Variants in PREX1 observed in about 807,000 individuals in gnomAD.
The protein encoded by PREX1 is phosphatidylinositol-3,4,5-trisphosphate dependent Rac exchange factor 1.
In PREX1, 41 loss-of-function variants were observed where a neutral mutation model predicts 198.3. That is an observed-to-expected ratio of 0.21 (90% confidence interval 0.16 to 0.27). The LOEUF is 0.27. Ranked by LOEUF, PREX1 falls within the 10% of genes least tolerant of loss-of-function variation. PREX1 has a pLI of 1.00. For missense variants in PREX1, 1,620 were observed against 2,200.7 expected (o/e 0.74, Z 5.28); for synonymous variants, 843 against 887.2 (o/e 0.95, Z 0.89).
rs1000398354 is a variant in PREX1 at position 48,636,480 on chromosome 20, G to C, written c.4150C>G (p.Leu1384Val). The change falls in exon 32 of 40, where the codon CTC (leucine) becomes GTC (valine). Residue 1384 changes from leucine (L) to valine (V), a missense_variant. Physicochemically the swap from Leu to Val is conservative, Grantham distance 32. Around this residue, in one of 7 missense-constraint regions of PREX1, gnomAD observed 476 missense variants for 603.4 expected, o/e 0.79. Transcript: ENST00000371941. ...TGVLLHCQSL[L>V]SPATVKEERT... ...TCACTCACCACTGTGGCTGGCGAGA[G>C]CAGGGACTGGCAGTGCAGCAGGACG... The C allele has an allele frequency of 3.6e-5, 58 of 1,606,296 alleles. No homozygotes were observed. The highest frequency in any genetic ancestry group is 4.9e-5 in the Non-Finnish European group (58 of 1,178,812).
At chr20:48,726,503 G>C in intron 4 of PREX1, 112 bp from the exon 5 acceptor site, 1 of 756,328 alleles carries the variant, frequency 1.3e-6, no homozygotes, top group Non-Finnish European at 2.3e-6. Context: ...CTTGGCAAGC[G>C]ATTTAGCGAC....
chr20:48,678,175 C>A (rs1016713394), intron 13 of PREX1, among the ~76,000 whole-genome samples: 1 of 151,958 alleles, frequency 6.6e-6, no homozygotes, highest in East Asian at 1.9e-4. Flanking sequence ...TTAGCCGGGC[C>A]TGGTGGTAGG....
At chr20:48,688,977 C>T (rs1434070372) in intron 9 of PREX1, among the ~76,000 whole-genome samples, 173 bp from the exon 10 acceptor site, 1 of 152,180 alleles carries the variant, frequency 6.6e-6, no homozygotes, top group Non-Finnish European at 1.5e-5. Flanking sequence ...CTGTCGCTGC[C>T]CTAGGCACCT....
chr20:48,713,329 G>A (rs956841955), intron 5 of PREX1, among the ~76,000 whole-genome samples: 2 of 151,850 alleles, frequency 1.3e-5, no homozygotes, highest in Non-Finnish European at 2.9e-5. Context: ...GTGCACACCT[G>A]TAATCTCAGC....
In PREX1 at chr20:48,649,467, A is replaced by T. The variant is rs139057530; in HGVS notation, c.3138T>A (p.His1046Gln). Reference sequence around the variant, plus strand: ...CACTGGCTGGCCCGAAGCTGCCATCATGGAGACCCTGGCCTTGGGGATCAC... The same window carrying T: ...CACTGGCTGGCCCGAAGCTGCCATCTTGGAGACCCTGGCCTTGGGGATCAC... ...AEGDPQGQGL[H>Q]DGSFGPASGT... is the part of the protein sequence containing the mutation. Residue 1046 changes from histidine to glutamine, a missense_variant, in exon 25 of 40, where the codon CAT becomes CAA. By Grantham distance (24) the His-to-Gln change is conservative. Around this residue, in one of 7 missense-constraint regions of PREX1, gnomAD observed 514 missense variants for 611.6 expected, o/e 0.84. Transcript: ENST00000371941. 3 of 1,613,998 alleles carry T rather than the reference A, an allele frequency of 1.9e-6. No individual in the cohort carries two copies. Among genetic ancestry groups the T allele is most frequent in the Non-Finnish European group, 2.5e-6 (3 of 1,180,014 alleles).
At chr20:48,692,374 G>A (rs1342742551) in intron 8 of PREX1, 2 of 284,400 alleles carry the variant, frequency 7.0e-6, no homozygotes, top group South Asian at 1.3e-4. Flanking sequence ...TAAATGCTTA[G>A]GAGGTAAAAA....
At chr20:48,833,931 A>T in the PREX1 span, among the ~76,000 whole-genome samples, 1 of 152,254 alleles carries the variant, frequency 6.6e-6, no homozygotes, top group Non-Finnish European at 1.5e-5. Context: ...AAAATACAAA[A>T]TATTAGCCGG....
At chr20:48,849,818 G>C in the PREX1 span, among the ~76,000 whole-genome samples, 30 of 152,252 alleles carry the variant, frequency 2.0e-4, 1 homozygote, top group Admixed American at 1.3e-3. Context: ...GGTGGGGAGT[G>C]GGGGGGAATA....
At chr20:48,667,753 C>T (rs566694937) in intron 14 of PREX1, among the ~76,000 whole-genome samples, 25 of 152,310 alleles carry the variant, frequency 1.6e-4, no homozygotes, top group Non-Finnish European at 2.9e-4. Context: ...CTGGACCCTG[C>T]GGGTTTGGCC....
chr20:48,633,971 G>C (rs907706134), intron 33 of PREX1, among the ~76,000 whole-genome samples: 2 of 152,162 alleles, frequency 1.3e-5, no homozygotes, highest in African/African-American at 4.8e-5. Flanking sequence ...TGGATGGATG[G>C]ACGGATGGAT....
At chr20:48,653,098 GT>G (rs1385885717) in intron 20 of PREX1, among the ~76,000 whole-genome samples, 13 of 152,188 alleles carry the variant, frequency 8.5e-5, no homozygotes, top group Non-Finnish European at 1.3e-4. Flanking sequence ...ACATGCCTAT[GT>G]GGTGAGGAGA....
intron 10 of PREX1, among the ~76,000 whole-genome samples, chr20:48,687,194 T>A (rs2089790264): frequency 6.6e-6 from 1 of 151,886 alleles, no homozygotes; most frequent in Admixed American, 6.6e-5. Flanking sequence ...AGGTCCCCAA[T>A]GCAGACCTTT....
At chr20:48,627,784 C>G (rs920332390) in intron 38 of PREX1, 77 bp downstream of exon 38, 20 of 1,467,724 alleles carry the variant, frequency 1.4e-5, no homozygotes, top group Non-Finnish European at 1.8e-5. Context: ...CTACCAGCCC[C>G]TCATCCCACC....
intron 1 of PREX1, among the ~76,000 whole-genome samples, chr20:48,788,362 T>A (rs990000043): frequency 7.2e-5 from 11 of 152,170 alleles, no homozygotes; most frequent in African/African-American, 2.4e-4. Flanking sequence ...AATGCCCACC[T>A]ACCACCCTCA....
chr20:48,672,137 C>T (rs541183254), intron 14 of PREX1, among the ~76,000 whole-genome samples: 1 of 152,350 alleles, frequency 6.6e-6, no homozygotes, highest in African/African-American at 2.4e-5. Context: ...CTGGTTCCTC[C>T]TCCTCCAGTC....
At chr20:48,686,687 G>T (rs2089786929) in intron 10 of PREX1, among the ~76,000 whole-genome samples, 1 of 152,224 alleles carries the variant, frequency 6.6e-6, no homozygotes, top group Admixed American at 6.5e-5. Flanking sequence ...GGACTCCAAG[G>T]CCCAAACTCT....
intron 14 of PREX1, among the ~76,000 whole-genome samples, chr20:48,673,389 C>T (rs1431193609): frequency 1.3e-5 from 2 of 152,206 alleles, no homozygotes; most frequent in Non-Finnish European, 1.5e-5. Flanking sequence ...CTCTCAGACC[C>T]GACGTCCTGT....
chr20:48,701,884 T>A (rs2089876875), intron 6 of PREX1, among the ~76,000 whole-genome samples: 1 of 152,076 alleles, frequency 6.6e-6, no homozygotes. Flanking sequence ...GGGAAAGGCA[T>A]CAGGGAGGAG....
At position 48,666,234 on chromosome 20, in the gene PREX1, C is replaced by T. The variant is rs375294561; in HGVS notation, c.1738+49G>A. On this transcript the variant is annotated intron_variant, in intron 15 of 39. Coordinates refer to ENST00000371941, the MANE Select transcript of PREX1 (RefSeq NM_020820.4). The surrounding 1 kb of genome is among the most constrained non-coding windows in gnomAD (Gnocchi z 4.3). ...CTCCCATACTCCCCCAAACCATCAG[C>T]TCCAGGGAGCAAGGTCCCGGGGGCT... is the stretch of plus-strand genomic sequence containing the variant. The T allele has an allele frequency of 1.3e-6, 2 of 1,507,516 alleles. No homozygotes were observed. The highest frequency in any genetic ancestry group is 2.4e-5 in the South Asian group (2 of 83,174). 93.4% of individuals were successfully genotyped at this position (1,507,516 alleles called of 1,614,324 possible).
Sources: allele counts gnomAD v4.1 joint callset (sites outside exome capture counted in the v4.1 genomes callset), GRCh38; gene constraint gnomAD v4.1.1; regional missense constraint gnomAD v4.1.1; non-coding constraint Gnocchi (gnomAD v3.1); transcripts MANE v1.5; gene names NCBI Gene and HGNC (gene_info 2026-07-23, HGNC 2026-07-21).